The following FAM83B variants were observed in gnomAD, a reference collection of about 807,000 sequenced individuals.
The protein encoded by FAM83B is scaffolding CK1 anchoring protein B, also known as protein FAM83B.
FAM83B carries 26 observed loss-of-function variants against 38.8 expected under a neutral mutation model. That is an observed-to-expected ratio of 0.67 (90% CI 0.49 to 0.93). FAM83B has a LOEUF of 0.93. Ranked by LOEUF, FAM83B falls within the 40% of genes least tolerant of loss-of-function variation. The pLI is 0.00. For missense variants in FAM83B, 1,237 were observed against 1,197.3 expected (o/e 1.03, Z -0.49); for synonymous variants, 419 against 423.1 (o/e 0.99, Z 0.12).
At chr6:54,856,944 A>G (rs898898083) in intron 1 of FAM83B, among the ~76,000 whole-genome samples, 2 of 152,192 alleles carry the variant, frequency 1.3e-5, no homozygotes, top group African/African-American at 4.8e-5. Flanking sequence ...ATTATTTGGC[A>G]TTCGAACTAA....
rs144377112 is a variant in FAM83B, at chr6:54,923,435, C to T, written c.445-2936C>T. ...ATTTGTTACACACTCATGGCAGAAC[C>T]ACAGCCATGGCTAAATCAGACTCTG... On this transcript the variant is annotated intron_variant, in intron 2 of 4. Transcript: ENST00000306858. 2.0e-5 allele frequency among the ~76,000 whole-genome samples: 3 copies of T among 152,152 alleles called. No homozygotes were observed. The East Asian group carries it at 5.8e-4, about 29-fold the overall frequency.
intron 2 of FAM83B, among the ~76,000 whole-genome samples, chr6:54,900,565 G>GTTGCCA (rs1312377774): frequency 3.3e-5 from 5 of 152,160 alleles, no homozygotes; most frequent in African/African-American, 1.2e-4. Context: ...AAAGTTATTT[G>GTTGCCA]TTGCCATAGA....
intron 2 of FAM83B, among the ~76,000 whole-genome samples, chr6:54,908,627 A>G (rs1386695268): frequency 1.3e-5 from 2 of 152,188 alleles, no homozygotes; most frequent in Non-Finnish European, 2.9e-5. Context: ...TGCTTCAGCT[A>G]TAGCTCATCA....
chr6:54,939,938 T>A lies in FAM83B; in HGVS notation c.967T>A (p.Phe323Ile). ...ATCTGTTTCCAGCCAGAGAAACCTTTTTGGTAGACAAGACAAGATTCATAA... is the reference window on the plus strand; with the variant it reads ...ATCTGTTTCCAGCCAGAGAAACCTTATTGGTAGACAAGACAAGATTCATAA... ...LASVSSQRNL[F>I]GRQDKIHKLD... Residue 323 changes from phenylalanine (F) to isoleucine (I), a missense_variant, in exon 5 of 5, where the codon TTT (phenylalanine) becomes ATT (isoleucine). Phe to Ile is a conservative substitution (Grantham distance 21). Transcript: ENST00000306858. 1 of 1,614,056 alleles carries A rather than the reference T, an allele frequency of 6.2e-7. No individual in the cohort carries two copies.
rs1049777485 is a variant in FAM83B, at chr6:54,927,728, TAAAAAAAAAAAAAAA to T, written c.734+108_734+122del. ...AATCAGTTAAGCTTTTTCTTAAAAG[TAAAAAAAAAAAAAAA>T]AAAAAAAAAAAGAGAACACTTGCAT... On this transcript the variant is annotated intron_variant, in intron 4 of 4. Transcript: ENST00000306858. 4.0e-4 allele frequency: 40 copies of T among 99,136 alleles called. 2 individuals are homozygous for T. Among genetic ancestry groups the T allele is most frequent in the Non-Finnish European group, 5.9e-4 (38 of 64,404 alleles). The allele number at this position is 99,136 out of a possible 1,614,324, so 6.1% of individuals were successfully genotyped here.
chr6:54,860,428 T>TA (rs1046731193), intron 1 of FAM83B, among the ~76,000 whole-genome samples: 2 of 152,088 alleles, frequency 1.3e-5, no homozygotes, highest in African/African-American at 4.8e-5. Flanking sequence ...TGTATGCCAT[T>TA]AAAAAAATTG....
chr6:54,913,893 CTTT>C (rs200872130), intron 2 of FAM83B, among the ~76,000 whole-genome samples: 7 of 142,482 alleles, frequency 4.9e-5, no homozygotes, highest in African/African-American at 7.9e-5. Context: ...ATGTGATTGT[CTTT>C]TTTTTTTAAA....
intron 2 of FAM83B, among the ~76,000 whole-genome samples, chr6:54,887,250 G>T (rs1307438876): frequency 6.6e-6 from 1 of 152,130 alleles, no homozygotes; most frequent in African/African-American, 2.4e-5. Context: ...TTTTCCAAGG[G>T]TTCTGCATCA....
rs555332947 is a variant in FAM83B at position 54,850,416 on chromosome 6, C to A, written c.-61+3590C>A. On this transcript the variant is annotated intron_variant, in intron 1 of 4. Transcript: ENST00000306858. ...TAAAATAATGTTAACTAAGGTTTCC[C>A]CACAGTATCACTGTGAAGCTTATTA... Among the ~76,000 whole-genome samples the A allele has an allele frequency of 3.9e-5, 6 of 152,282 alleles. No individual in the cohort carries two copies. The South Asian group carries it at 8.3e-4, about 21-fold the overall frequency.
chr6:54,889,414 T>C (rs1772351037), intron 2 of FAM83B, among the ~76,000 whole-genome samples: 1 of 152,086 alleles, frequency 6.6e-6, no homozygotes, highest in Non-Finnish European at 1.5e-5. Flanking sequence ...TTAAGCTACA[T>C]ACGATAAATC....
In FAM83B at chr6:54,941,479, G is replaced by C; in HGVS notation, c.2508G>C (p.Ser836=). The C allele has an allele frequency of 6.2e-7, 1 of 1,613,766 alleles. No individual in the cohort carries two copies. Among genetic ancestry groups the C allele is most frequent in the Non-Finnish European group, 8.5e-7 (1 of 1,179,932 alleles). The change falls in exon 5 of 5, where the codon TCG becomes TCC. Residue 836 remains serine, a synonymous_variant. Transcript: ENST00000306858. ...CTAGAAGAAAGCATTCTTCCTCATC[G>C]AATTCTCAAGGCAGCATCCACAAGA... The part of the protein sequence containing the change: ...SSPRRKHSSS[S]NSQGSIHKSK...
chr6:54,857,568 A>T (rs1292425076), intron 1 of FAM83B, among the ~76,000 whole-genome samples: 1 of 152,134 alleles, frequency 6.6e-6, no homozygotes, highest in Non-Finnish European at 1.5e-5. Flanking sequence ...TTATACCGTG[A>T]GGGCAGAACT....
At chr6:54,921,504 C>T (rs1027148629) in intron 2 of FAM83B, among the ~76,000 whole-genome samples, 6 of 151,828 alleles carry the variant, frequency 4.0e-5, no homozygotes, top group African/African-American at 7.2e-5. Flanking sequence ...CCTGGGGTAG[C>T]GTTCTGAAAG....
At chr6:54,864,172 A>G (rs541398691) in intron 1 of FAM83B, among the ~76,000 whole-genome samples, 24 of 152,204 alleles carry the variant, frequency 1.6e-4, no homozygotes, top group Admixed American at 6.5e-4. Context: ...TTCCCCCAAT[A>G]TCTAAAATTC....
At chr6:54,873,510 C>T (rs866449241) in intron 2 of FAM83B, among the ~76,000 whole-genome samples, 20 of 152,054 alleles carry the variant, frequency 1.3e-4, no homozygotes, top group African/African-American at 4.8e-4. Flanking sequence ...ATGTCATGCT[C>T]TTATTATCTT....
At chr6:54,923,230 C>G (rs1168047581) in intron 2 of FAM83B, among the ~76,000 whole-genome samples, 1 of 151,890 alleles carries the variant, frequency 6.6e-6, no homozygotes, top group Non-Finnish European at 1.5e-5. Flanking sequence ...AACAATAATC[C>G]TTTAATATCT....
chr6:54,885,327 T>G (rs1772249161), intron 2 of FAM83B, among the ~76,000 whole-genome samples: 1 of 152,298 alleles, frequency 6.6e-6, no homozygotes, highest in South Asian at 2.1e-4. Flanking sequence ...GTTTTCTGTG[T>G]ATAGGCCTCA....
At chr6:54,885,770 G>A (rs769134010) in intron 2 of FAM83B, among the ~76,000 whole-genome samples, 3 of 146,496 alleles carry the variant, frequency 2.0e-5, no homozygotes, top group Non-Finnish European at 4.5e-5. Flanking sequence ...TGAAGAATGA[G>A]AACACATGGA....
upstream of FAM83B, among the ~76,000 whole-genome samples, chr6:54,846,492 C>G (rs896891865): frequency 6.6e-6 from 1 of 152,208 alleles, no homozygotes; most frequent in African/African-American, 2.4e-5. Context: ...GCCCCGAGGG[C>G]GGGCAGGAAA....
Sources: allele counts gnomAD v4.1 joint callset (sites outside exome capture counted in the v4.1 genomes callset), GRCh38; gene constraint gnomAD v4.1.1; transcripts MANE v1.5; gene names NCBI Gene and HGNC (gene_info 2026-07-23, HGNC 2026-07-21).